The following TRMT11 variants were observed in gnomAD, a reference collection of about 807,000 sequenced individuals.
TRMT11 encodes the protein tRNA methyltransferase 11.
Under a neutral mutation model 62.8 loss-of-function variants are expected in TRMT11, and 53 were observed. That is an observed-to-expected ratio of 0.84 (90% CI 0.68 to 1.06). The LOEUF is 1.06. Ranked by LOEUF, TRMT11 falls within the 50% of genes least tolerant of loss-of-function variation. TRMT11 has a pLI of 0.00. For synonymous variants in TRMT11, 188 were observed against 190.3 expected, an observed-to-expected ratio of 0.99 and a Z score of 0.10; for missense variants, 556 against 553.4, an observed-to-expected ratio of 1.00 and a Z score of -0.05.
At chr6:126,168,174 G>A (rs1181929109) in intron 21 of TRMT11, among the ~76,000 whole-genome samples, 1 of 152,186 alleles carries the variant, frequency 6.6e-6, no homozygotes, top group African/African-American at 2.4e-5. Context: ...GAACAGTGAA[G>A]CTGTGGAACT....
Position 126,011,403 on chromosome 6 carries a change from C to T in TRMT11, c.911C>T (p.Ala304Val). The change falls in exon 9 of 13, where the codon GCA becomes GTA. Residue 304 changes from alanine to valine, a missense_variant. By Grantham distance (64) the Ala-to-Val change is moderately conservative. Transcript: ENST00000334379. ...TGGAGGAAGGGCACATATTTTGATG[C>T]AATCATTACTGATCGTAAGTTTATT... ...PSWRKGTYFD[A>V]IITDPPYGIR... 6.2e-7 allele frequency: 1 copy of T among 1,610,804 alleles called. No homozygotes were observed. The highest frequency in any genetic ancestry group is 1.1e-5 in the South Asian group (1 of 90,164).
intron 1 of TRMT11, among the ~76,000 whole-genome samples, chr6:126,193,996 G>C (rs1778635788): frequency 6.6e-6 from 1 of 151,986 alleles, no homozygotes. Flanking sequence ...AGTTCCTCTA[G>C]CTTTTTAGTT....
chr6:126,151,018 A>C (rs1362772271), intron 21 of TRMT11, among the ~76,000 whole-genome samples: 1 of 152,164 alleles, frequency 6.6e-6, no homozygotes, highest in Non-Finnish European at 1.5e-5. Context: ...GCATCATATT[A>C]CATTTCTTAA....
chr6:126,044,281 A>C (rs1775981148), intron 16 of TRMT11, among the ~76,000 whole-genome samples: 1 of 152,208 alleles, frequency 6.6e-6, no homozygotes, highest in African/African-American at 2.4e-5. Context: ...ATGGCTAGCC[A>C]GTTTTCCCAG....
chr6:126,000,826 A>G (rs1792346143), intron 7 of TRMT11, among the ~76,000 whole-genome samples: 1 of 152,054 alleles, frequency 6.6e-6, no homozygotes, highest in Non-Finnish European at 1.5e-5. Context: ...AGCATACTCT[A>G]TATTCTTTTC....
downstream of TRMT11, among the ~76,000 whole-genome samples, chr6:126,207,102 A>G (rs1226203992): frequency 6.6e-6 from 1 of 152,178 alleles, no homozygotes; most frequent in Non-Finnish European, 1.5e-5. Context: ...TCCACTTCGA[A>G]TTGAATGATT....
At chr6:126,071,091 A>G (rs1179162544) in intron 17 of TRMT11, among the ~76,000 whole-genome samples, 2 of 151,954 alleles carry the variant, frequency 1.3e-5, no homozygotes, top group African/African-American at 4.8e-5. Context: ...TACGCCCTCA[A>G]CTCTGATCAG....
At chr6:126,240,144 G>T in the TRMT11 span, among the ~76,000 whole-genome samples, 1 of 152,084 alleles carries the variant, frequency 6.6e-6, no homozygotes, top group Non-Finnish European at 1.5e-5. Context: ...CTTCTTTGCC[G>T]TGGGTTCAAA....
the TRMT11 span, among the ~76,000 whole-genome samples, chr6:126,248,345 C>T: frequency 6.6e-6 from 1 of 152,070 alleles, no homozygotes; most frequent in South Asian, 2.1e-4. Context: ...CTAAAGTATT[C>T]AGAAATGATG....
chr6:125,988,770 A>G (rs112841771), intron 1 of TRMT11, among the ~76,000 whole-genome samples: 2 of 152,224 alleles, frequency 1.3e-5, no homozygotes, highest in African/African-American at 2.4e-5. Context: ...TGAAAGTCGT[A>G]TATCTGTAAT....
chr6:126,229,589 A>G, the TRMT11 span, among the ~76,000 whole-genome samples: 7 of 152,352 alleles, frequency 4.6e-5, no homozygotes, highest in East Asian at 1.3e-3. Flanking sequence ...CAATCCTTGA[A>G]GTACAAAAGA....
At chr6:126,134,980 G>C (rs1777834544) in intron 21 of TRMT11, among the ~76,000 whole-genome samples, 1 of 151,580 alleles carries the variant, frequency 6.6e-6, no homozygotes, top group Non-Finnish European at 1.5e-5. Flanking sequence ...GAACCTATGA[G>C]ATACAGAAAA....
chr6:126,042,700 G>A (rs147462780), downstream of TRMT11, among the ~76,000 whole-genome samples: 6 of 152,158 alleles, frequency 3.9e-5, no homozygotes, highest in South Asian at 2.1e-4. Flanking sequence ...GGATTTATCG[G>A]AAGAACTCTA....
chr6:126,105,344 G>C (rs1777451665), intron 17 of TRMT11, among the ~76,000 whole-genome samples: 1 of 152,164 alleles, frequency 6.6e-6, no homozygotes, highest in African/African-American at 2.4e-5. Context: ...TTTATTGAGT[G>C]TAATTTGTGA....
At chr6:126,201,725 T>C (rs1001498937) in intron 3 of TRMT11, among the ~76,000 whole-genome samples, 1 of 152,198 alleles carries the variant, frequency 6.6e-6, no homozygotes, top group African/African-American at 2.4e-5. Flanking sequence ...ACATTCTCTC[T>C]TTATTTTTAT....
At position 126,056,849 on chromosome 6, in the gene TRMT11, T is replaced by C. The variant is rs186487646; in HGVS notation, c.*1437+3659T>C. Among the ~76,000 whole-genome samples, 6 of 152,246 alleles carry C rather than the reference T, an allele frequency of 3.9e-5. No homozygotes were observed. In the East Asian group the frequency reaches 1.2e-3, roughly 29 times the overall value. ...GGAGCCCTTCTTTATCCACAGAAGA[T>C]AGGAAGCAAAGAACGGTGATAACGT... On this transcript the variant is annotated intron_variant and NMD_transcript_variant, in intron 17 of 22. Transcript: ENST00000648977.
At chr6:126,206,407 G>C (rs1778792769), downstream of TRMT11, among the ~76,000 whole-genome samples, 1 of 152,098 alleles carries the variant, frequency 6.6e-6, no homozygotes, top group Non-Finnish European at 1.5e-5. Context: ...AAGTTCCCCG[G>C]TTATGTCAAT....
intron 21 of TRMT11, among the ~76,000 whole-genome samples, chr6:126,164,456 T>C (rs552403543): frequency 1.3e-5 from 2 of 152,336 alleles, no homozygotes; most frequent in South Asian, 4.1e-4. Context: ...ATTCTGCTGA[T>C]TTGAGGTGGA....
At chr6:126,227,613 A>T in the TRMT11 span, among the ~76,000 whole-genome samples, 1 of 152,172 alleles carries the variant, frequency 6.6e-6, no homozygotes. Context: ...AATTAATGAA[A>T]TTCCCTTCAA....
Sources: gnomAD v4.1 joint callset for allele counts (sites outside exome capture counted in the v4.1 genomes callset) on GRCh38, gnomAD v4.1.1 for gene constraint, MANE v1.5 for transcripts, NCBI Gene and HGNC (gene_info 2026-07-23, HGNC 2026-07-21) for gene names.